Variants in ZNF836 observed in about 807,000 individuals in gnomAD.
The protein encoded by ZNF836 is zinc finger protein 836.
In ZNF836, 12 loss-of-function variants were observed where a neutral mutation model predicts 7.4. The observed-to-expected ratio is 1.61, with a 90% CI of 1.03 to 2.61. ZNF836 has a LOEUF of 2.61. Among genes scored for constraint, ZNF836 ranks in the 30% most tolerant of loss-of-function variants. ZNF836 has a pLI of 0.00. For synonymous variants in ZNF836, 365 were observed against 382.6 expected (o/e 0.95, Z 0.54); for missense variants, 998 against 1,126.2 (o/e 0.89, Z 1.63).
rs1600144797 is a variant in ZNF836, at chr19:52,168,042, A to G, written c.15+16T>C. The stretch of plus-strand genomic sequence containing the variant: ...AAGGAAGGAGACAGAATGATCCACT[A>G]AGAATATCATTTTACCTGTGTAAGA... On this transcript the variant is annotated intron_variant, in intron 3 of 4. Coordinates refer to ENST00000682614, the MANE Select transcript of ZNF836 (RefSeq NM_001102657.3). 1 of 1,569,662 alleles carries G rather than the reference A, an allele frequency of 6.4e-7. No homozygotes were observed.
At chr19:52,168,858 A>C (rs1319222510) in intron 2 of ZNF836, among the ~76,000 whole-genome samples, 1 of 152,190 alleles carries the variant, frequency 6.6e-6, no homozygotes, top group African/African-American at 2.4e-5. Flanking sequence ...GAAATAAGAC[A>C]GACACTAAAA....
At chr19:52,163,834 G>C (rs143832652) in intron 3 of ZNF836, among the ~76,000 whole-genome samples, 184 of 152,214 alleles carry the variant, frequency 1.2e-3, no homozygotes, top group African/African-American at 4.1e-3. Flanking sequence ...GCGCAGACAG[G>C]TAACAGGGGA....
intron 2 of ZNF836, among the ~76,000 whole-genome samples, chr19:52,168,648 T>C (rs2089285494): frequency 6.6e-6 from 1 of 152,158 alleles, no homozygotes; most frequent in South Asian, 2.1e-4. Context: ...TGTATACATA[T>C]CTTTATGTGT....
intron 2 of ZNF836, among the ~76,000 whole-genome samples, chr19:52,168,688 G>A (rs926297160): frequency 1.3e-5 from 2 of 152,088 alleles, no homozygotes; most frequent in African/African-American, 2.4e-5. Flanking sequence ...TATATAGTAT[G>A]CGTACATATG....
intron 3 of ZNF836, among the ~76,000 whole-genome samples, chr19:52,164,159 A>G (rs943997359): frequency 2.6e-5 from 4 of 152,106 alleles, no homozygotes; most frequent in African/African-American, 9.7e-5. Context: ...TGGGGAGCCA[A>G]GGAGGGCAAA....
chr19:52,163,661 G>T (rs1265937423), intron 3 of ZNF836, among the ~76,000 whole-genome samples: 3 of 152,096 alleles, frequency 2.0e-5, no homozygotes, highest in Non-Finnish European at 4.4e-5. Flanking sequence ...CCTATCAACT[G>T]GTTTCTGTCT....
rs1348678408 is a variant in ZNF836 at position 52,161,709 on chromosome 19, A to T, written c.16-1118T>A. ...CACCCCTGGCCCCCAAAATTGATAT[A>T]CTTCTCACAAACAAAATACATTCTA... On this transcript the variant is annotated intron_variant, in intron 3 of 4. Coordinates refer to ENST00000682614, the MANE Select transcript of ZNF836 (RefSeq NM_001102657.3). The surrounding 1 kb of genome is among the most constrained non-coding windows in gnomAD (Gnocchi z 4.1). 6.6e-6 allele frequency among the ~76,000 whole-genome samples: 1 copy of T among 152,036 alleles called. No homozygotes were observed. Among genetic ancestry groups the T allele is most frequent in the African/African-American group, 2.4e-5 (1 of 41,420 alleles).
At chr19:52,170,726 T>C (rs905984830) in intron 1 of ZNF836, among the ~76,000 whole-genome samples, 3 of 152,212 alleles carry the variant, frequency 2.0e-5, no homozygotes, top group Non-Finnish European at 4.4e-5. Flanking sequence ...CGTGTATTTA[T>C]GGGTCTCCCT....
At chr19:52,164,330 T>C (rs1222062950) in intron 3 of ZNF836, among the ~76,000 whole-genome samples, 1 of 145,278 alleles carries the variant, frequency 6.9e-6, no homozygotes, top group African/African-American at 2.6e-5. Context: ...GAGGCAGAGG[T>C]TGCAGTGAGC....
Position 52,155,237 on chromosome 19 carries a change from T to C in ZNF836, c.2446A>G (p.Arg816Gly). Residue 816 changes from arginine to glycine, a missense_variant, in exon 5 of 5, where the codon AGA (arginine) becomes GGA (glycine). Transcript: ENST00000682614. Reference protein sequence around the residue: ...YVCNECGKAFRVRSILVNHQK... With the variant: ...YVCNECGKAFGVRSILVNHQK... ...TGATTAACCAGAATTGAACGCACTC[T>C]AAAGGCTTTGCCACACTCATTACAC... is the stretch of plus-strand genomic sequence containing the variant. 6.2e-7 allele frequency: 1 copy of C among 1,614,092 alleles called. No individual in the cohort carries two copies. Among genetic ancestry groups the C allele is most frequent in the Non-Finnish European group, 8.5e-7 (1 of 1,179,958 alleles).
chr19:52,164,499 GAGAA>G (rs35065900), intron 3 of ZNF836, among the ~76,000 whole-genome samples: 92,125 of 148,022 alleles, frequency 0.62, 29,160 homozygotes, highest in African/African-American at 0.7. Flanking sequence ...AAGAAAAAGA[GAGAA>G]AGAAAGAAAG....
chr19:52,166,874 C>T (rs917223060), intron 3 of ZNF836, among the ~76,000 whole-genome samples: 3 of 151,630 alleles, frequency 2.0e-5, no homozygotes, highest in Non-Finnish European at 2.9e-5. Flanking sequence ...CCACCGCGCC[C>T]GGCCTGTACC....
At chr19:52,169,579 CAAAAAAA>C (rs2122234564) in intron 2 of ZNF836, 62 bp downstream of exon 2, 1 of 150,344 alleles carries the variant, frequency 6.7e-6, no homozygotes, top group African/African-American at 2.4e-5. Flanking sequence ...AACTCCGTCC[CAAAAAAA>C]GAAAAAAGCA....
intron 3 of ZNF836, among the ~76,000 whole-genome samples, chr19:52,164,118 C>T (rs2089238564): frequency 6.6e-6 from 1 of 151,016 alleles, no homozygotes; most frequent in East Asian, 2.0e-4. Flanking sequence ...TGGCCGGGTG[C>T]AGTGGCTCAC....
intron 3 of ZNF836, among the ~76,000 whole-genome samples, chr19:52,163,393 TA>T (rs2089230967): frequency 1.3e-5 from 2 of 152,246 alleles, no homozygotes; most frequent in African/African-American, 4.8e-5. Flanking sequence ...TGTTTTACTA[TA>T]AACAGGTCAG....
intron 3 of ZNF836, among the ~76,000 whole-genome samples, chr19:52,166,878 C>G (rs2089269787): frequency 6.6e-6 from 1 of 151,808 alleles, no homozygotes; most frequent in African/African-American, 2.4e-5. Flanking sequence ...CGCGCCCGGC[C>G]TGTACCAACT....
Position 52,155,631 on chromosome 19 carries a change from AT to A in ZNF836, c.2051del (p.His684LeufsTer2). 1.2e-6 allele frequency: 2 copies of A among 1,614,106 alleles called. No homozygotes were observed. On this transcript the variant is annotated frameshift_variant, in exon 5 of 5. Coordinates refer to ENST00000682614, the MANE Select transcript of ZNF836 (RefSeq NM_001102657.3). LOFTEE classifies it low-confidence loss of function (END_TRUNC). ...AYTQRSSLTKHLIIHTGEKPY... is the reference protein window; with the variant it reads ...AYTQRSSLTKXLIIHTGEKPY... ...GTTTCTCTCCAGTATGAATTATCAG[AT>A]GTTTAGTGAGGCTTGAACGCTGAGT...
chr19:52,163,068 C>T (rs1322389567), intron 3 of ZNF836, among the ~76,000 whole-genome samples: 2 of 152,104 alleles, frequency 1.3e-5, no homozygotes, highest in African/African-American at 4.8e-5. Context: ...GTTCCGAGGT[C>T]CGAAGGGCAC....
chr19:52,155,415 G>C lies in ZNF836; in HGVS notation c.2268C>G (p.Gly756=). ...GEMPYKCIEC[G]QVFNSTSNLA... ...GGTTCGAAGTGGAATTAAAGACCTG[G>C]CCACATTCAATACATTTGTATGGCA... The change falls in exon 5 of 5, where the codon GGC becomes GGG. Residue 756 remains glycine (G), a synonymous_variant. Coordinates refer to ENST00000682614, the MANE Select transcript of ZNF836 (RefSeq NM_001102657.3). 2 of 1,614,094 alleles carry C rather than the reference G, an allele frequency of 1.2e-6. No homozygotes were observed.
Sources: gnomAD v4.1 joint callset for allele counts (sites outside exome capture counted in the v4.1 genomes callset) on GRCh38, gnomAD v4.1.1 for gene constraint, Gnocchi (gnomAD v3.1) non-coding constraint, MANE v1.5 for transcripts, NCBI Gene and HGNC (gene_info 2026-07-23, HGNC 2026-07-21) for gene names.